SLC25A21: variants seen among roughly 807,000 people sequenced by gnomAD.
SLC25A21 encodes the protein solute carrier family 25 member 21.
Under a neutral mutation model 43.8 loss-of-function variants are expected in SLC25A21, and 47 were observed. The ratio of observed to expected loss-of-function variants is 1.07; its 90% confidence interval spans 0.85 to 1.37. The LOEUF (loss-of-function observed/expected upper bound fraction) is 1.37. Ranked by LOEUF, SLC25A21 falls within the 40% of genes most tolerant of loss-of-function variation. The pLI is 0.00. For missense variants in SLC25A21, 352 were observed against 350.2 expected, an observed-to-expected ratio of 1.00 and a Z score of -0.04; for synonymous variants, 131 against 121.3, an observed-to-expected ratio of 1.08 and a Z score of -0.52.
chr14:36,754,140 G>A lies in SLC25A21; in HGVS notation c.204-19567C>T, dbSNP rs184191513. On this transcript the variant is annotated intron_variant, in intron 3 of 9. Transcript: ENST00000331299. ...AACGTTATTCTGAGTGTTTCTGTGA[G>A]GATGTTTTTGGGTGAGAGTAACATT... is the stretch of plus-strand genomic sequence containing the variant. Among the ~76,000 whole-genome samples, 84 of 152,254 alleles carry A rather than the reference G, an allele frequency of 5.5e-4. 2 individuals are homozygous for A. The East Asian group carries it at 0.015, about 27-fold the overall frequency.
At chr14:37,126,780 C>A (rs968115535) in intron 1 of SLC25A21, among the ~76,000 whole-genome samples, 23 of 152,208 alleles carry the variant, frequency 1.5e-4, no homozygotes, top group Admixed American at 2.6e-4. Flanking sequence ...TCTTTAATCA[C>A]TTCCTTGCCC....
At chr14:37,091,469 C>T (rs572181508) in intron 1 of SLC25A21, among the ~76,000 whole-genome samples, 1 of 151,320 alleles carries the variant, frequency 6.6e-6, no homozygotes, top group African/African-American at 2.4e-5. Flanking sequence ...CACTTCTGCA[C>T]AATGGCTTGG....
chr14:36,974,439 G>A (rs1214133828), intron 1 of SLC25A21, among the ~76,000 whole-genome samples: 1 of 152,132 alleles, frequency 6.6e-6, no homozygotes, highest in Non-Finnish European at 1.5e-5. Flanking sequence ...AGAAACAGTA[G>A]GTACACATAT....
chr14:37,031,236 C>T (rs1454608220), intron 1 of SLC25A21, among the ~76,000 whole-genome samples: 2 of 152,174 alleles, frequency 1.3e-5, no homozygotes, highest in Non-Finnish European at 2.9e-5. Flanking sequence ...CAACAGTGTT[C>T]AAACAATCAC....
chr14:36,874,070 T>A (rs1396013587), intron 2 of SLC25A21, among the ~76,000 whole-genome samples: 1 of 152,242 alleles, frequency 6.6e-6, no homozygotes, highest in Non-Finnish European at 1.5e-5. Flanking sequence ...CATGCCACAG[T>A]CACCTTCTCT....
chr14:37,049,269 G>A (rs1487799315), intron 1 of SLC25A21, among the ~76,000 whole-genome samples: 1 of 152,130 alleles, frequency 6.6e-6, no homozygotes, highest in African/African-American at 2.4e-5. Flanking sequence ...AAAAAAGACT[G>A]AGAGCCATCA....
chr14:36,981,606 C>T (rs7143315), intron 1 of SLC25A21, among the ~76,000 whole-genome samples: 1,961 of 152,130 alleles, frequency 0.013, 21 homozygotes, highest in Non-Finnish European at 0.018. Flanking sequence ...CCAAACACCG[C>T]GTGTTCTCAC....
At chr14:36,685,693 G>A (rs757290345) in intron 7 of SLC25A21, among the ~76,000 whole-genome samples, 14 of 152,134 alleles carry the variant, frequency 9.2e-5, no homozygotes, top group Non-Finnish European at 2.1e-4. Flanking sequence ...GGCCCTTCAC[G>A]TTGGTCTGAT....
chr14:36,881,899 T>C (rs888966729), intron 1 of SLC25A21, among the ~76,000 whole-genome samples: 1 of 152,320 alleles, frequency 6.6e-6, no homozygotes, highest in Admixed American at 6.5e-5. Flanking sequence ...CAATGTTGAA[T>C]GATCCTTTAG....
At chr14:37,028,469 T>G (rs182046499) in intron 1 of SLC25A21, among the ~76,000 whole-genome samples, 13 of 152,238 alleles carry the variant, frequency 8.5e-5, no homozygotes, top group Admixed American at 5.2e-4. Flanking sequence ...AAATCAATGG[T>G]AGGTTGGTGA....
At chr14:36,814,501 G>A (rs1373987351) in intron 2 of SLC25A21, among the ~76,000 whole-genome samples, 1 of 152,078 alleles carries the variant, frequency 6.6e-6, no homozygotes, top group Non-Finnish European at 1.5e-5. Flanking sequence ...CCATCAAAAA[G>A]TGGGCAAAGG....
chr14:37,002,356 T>C (rs1960506380), intron 1 of SLC25A21, among the ~76,000 whole-genome samples: 1 of 152,184 alleles, frequency 6.6e-6, no homozygotes, highest in Non-Finnish European at 1.5e-5. Flanking sequence ...AAAGTTTTCA[T>C]CTCAGCCATT....
At chr14:36,928,603 T>C (rs1892198624) in intron 1 of SLC25A21, among the ~76,000 whole-genome samples, 1 of 152,196 alleles carries the variant, frequency 6.6e-6, no homozygotes, top group African/African-American at 2.4e-5. Flanking sequence ...CATATGTGTA[T>C]TGTAGACTCT....
intron 7 of SLC25A21, among the ~76,000 whole-genome samples, chr14:36,702,963 C>T (rs1883346859): frequency 6.6e-6 from 1 of 152,162 alleles, no homozygotes; most frequent in Non-Finnish European, 1.5e-5. Context: ...GTGCAAACTG[C>T]CAATGAAAGA....
At chr14:36,746,561 C>T (rs1566567028) in intron 3 of SLC25A21, among the ~76,000 whole-genome samples, 4 of 152,100 alleles carry the variant, frequency 2.6e-5, no homozygotes, top group African/African-American at 7.2e-5. Flanking sequence ...GCAATATATC[C>T]ATGTAACCCA....
intron 1 of SLC25A21, among the ~76,000 whole-genome samples, chr14:36,932,107 A>C (rs895333961): frequency 2.6e-5 from 4 of 152,186 alleles, no homozygotes; most frequent in Non-Finnish European, 5.9e-5. Context: ...ATACATAAGA[A>C]GAAAATATAT....
chr14:36,806,132 C>T (rs958031121), intron 3 of SLC25A21, among the ~76,000 whole-genome samples: 46 of 2,430 alleles, frequency 0.019, no homozygotes, highest in African/African-American at 0.093. Context: ...TTGCTTGAAC[C>T]GGGGTGGGGG....
At chr14:37,056,856 G>A (rs1189821534) in intron 1 of SLC25A21, among the ~76,000 whole-genome samples, 5 of 152,094 alleles carry the variant, frequency 3.3e-5, no homozygotes, top group Admixed American at 6.6e-5. Context: ...TCTTTATCTG[G>A]ACATGGTATT....
intron 1 of SLC25A21, chr14:37,172,068 C>G: frequency 1.8e-6 from 1 of 549,228 alleles, no homozygotes; most frequent in Non-Finnish European, 3.2e-6. Context: ...GCGCGGACGC[C>G]GAGGCAACTT....
Sources: gnomAD v4.1 joint callset for allele counts (sites outside exome capture counted in the v4.1 genomes callset) on GRCh38, gnomAD v4.1.1 for gene constraint, MANE v1.5 for transcripts, NCBI Gene and HGNC (gene_info 2026-07-23, HGNC 2026-07-21) for gene names.